PRDM9: variants seen among roughly 807,000 people sequenced by gnomAD.
PRDM9 encodes the protein PR/SET domain 9, also known as histone-lysine N-methyltransferase PRDM9.
In PRDM9, 47 loss-of-function variants were observed where a neutral mutation model predicts 55.6. The observed-to-expected ratio is 0.85, with a 90% CI of 0.67 to 1.08. The LOEUF (loss-of-function observed/expected upper bound fraction) is 1.08, where lower values mean the gene tolerates loss of function less well. Ranked by LOEUF, PRDM9 falls within the 50% of genes least tolerant of loss-of-function variation. The probability of loss-of-function intolerance (pLI) is 0.00; values close to 1 mark genes in which losing one functional copy is unlikely to be tolerated. For missense variants in PRDM9, 867 were observed against 1,040.3 expected (o/e 0.83, Z 2.29); for synonymous variants, 312 against 375.7 (o/e 0.83, Z 1.96).
chr5:23,514,260 T>C (rs1739156527), intron 4 of PRDM9, among the ~76,000 whole-genome samples: 1 of 152,188 alleles, frequency 6.6e-6, no homozygotes. Context: ...AACAGAAATT[T>C]ATTTTCTGAC....
At chr5:23,513,909 C>T (rs1305214616) in intron 4 of PRDM9, among the ~76,000 whole-genome samples, 2 of 151,822 alleles carry the variant, frequency 1.3e-5, no homozygotes, top group Admixed American at 6.6e-5. Context: ...AAAACCCACA[C>T]ACACACATAA....
intron 10 of PRDM9, among the ~76,000 whole-genome samples, chr5:23,525,138 G>T (rs1180341265): frequency 6.6e-6 from 1 of 152,202 alleles, no homozygotes; most frequent in African/African-American, 2.4e-5. Context: ...TGTTGCAGCG[G>T]ATTGTCAGGG....
intron 6 of PRDM9, 123 bp from the exon 7 acceptor site, chr5:23,522,181 G>T (rs2126426632): frequency 1.2e-6 from 1 of 855,926 alleles, no homozygotes; most frequent in East Asian, 2.4e-5. Flanking sequence ...TAGTTAAAGA[G>T]GGGGACACTA....
Position 23,524,432 on chromosome 5 carries a change from G to A in PRDM9, c.1049G>A (p.Gly350Asp), listed in dbSNP as rs201401823. ...FYRTCRVIRPGCELLVWYGDE... is the reference protein window; with the variant it reads ...FYRTCRVIRPDCELLVWYGDE... ...AGAACCTGCCGAGTCATTAGGCCAG[G>A]CTGTGAACTGCTGGTCTGGTATGGG... Residue 350 changes from glycine to aspartate, a missense_variant, in exon 10 of 11, where the codon GGC (glycine) becomes GAC (aspartate). Around this residue, in one of 5 missense-constraint regions of PRDM9, gnomAD observed 662 missense variants for 711.9 expected, o/e 0.93. Coordinates refer to ENST00000296682, the MANE Select transcript of PRDM9 (RefSeq NM_020227.4). 62 of 1,613,898 alleles carry A rather than the reference G, an allele frequency of 3.8e-5. No individual in the cohort carries two copies. In the African/African-American group the frequency reaches 7.6e-4, roughly 20 times the overall value.
chr5:23,517,173 G>T (rs375878837), intron 4 of PRDM9, among the ~76,000 whole-genome samples: 6 of 146,538 alleles, frequency 4.1e-5, no homozygotes, highest in Admixed American at 3.4e-4. Context: ...AAAAAAAAAG[G>T]TTGGGGGGGC....
chr5:23,509,944 TC>T lies in PRDM9; in HGVS notation c.219del (p.Phe73LeufsTer36), dbSNP rs762323976. 54 of 1,614,104 alleles carry T rather than the reference TC, an allele frequency of 3.3e-5. 1 individual carries two copies. The African/African-American group carries it at 6.3e-4, about 19-fold the overall frequency. ...GGTCTCAGAGCCACTCGACCAGCTT[TC>T]ATGTGTCACCGAAGGCAGGCCATCA... ...TIGLRATRPA[F>X]MCHRRQAIKL... On this transcript the variant is annotated frameshift_variant, in exon 4 of 11. Coordinates refer to ENST00000296682, the MANE Select transcript of PRDM9 (RefSeq NM_020227.4). LOFTEE classifies it high-confidence loss of function.
chr5:23,517,792 T>TA lies in PRDM9; in HGVS notation c.302-83dup, dbSNP rs1186956502. On this transcript the variant is annotated intron_variant, in intron 4 of 10. Coordinates refer to ENST00000296682, the MANE Select transcript of PRDM9 (RefSeq NM_020227.4). Reference sequence around the variant, plus strand: ...ACAGAGGGAGACTCCGTCTCAAAAATAAAAAATAAAAATAAAAAATAGAAG... The same window carrying TA: ...ACAGAGGGAGACTCCGTCTCAAAAATAAAAAAATAAAAATAAAAAATAGAAG... The TA allele has an allele frequency of 3.8e-6, 5 of 1,331,280 alleles. No individual in the cohort carries two copies. In the East Asian group the frequency reaches 6.9e-5, roughly 18 times the overall value. 82.5% of individuals were successfully genotyped at this position (1,331,280 alleles called of 1,614,324 possible). A position where few individuals can be genotyped will look rare whatever the true frequency, so the allele number is the denominator to read the frequency against.
chr5:23,525,136 C>A (rs2115262), intron 10 of PRDM9, among the ~76,000 whole-genome samples: 1 of 152,238 alleles, frequency 6.6e-6, no homozygotes, highest in South Asian at 2.1e-4. Context: ...AGTGTTGCAG[C>A]GGATTGTCAG....
chr5:23,510,648 T>TGAC (rs1224939237), intron 4 of PRDM9, among the ~76,000 whole-genome samples: 1 of 149,760 alleles, frequency 6.7e-6, no homozygotes, highest in Non-Finnish European at 1.5e-5. Flanking sequence ...ATGATGATGA[T>TGAC]GATGATGATG....
In PRDM9 at chr5:23,526,946, C is replaced by T. The variant is rs770162385; in HGVS notation, c.1858C>T (p.Gln620Ter). ...CRECGRGFSR[Q>*]SVLLTHQRRH... ...GGAGTGTGGGCGGGGCTTTAGCCGG[C>T]AGTCAGTCCTCCTCACTCACCAGAG... is the stretch of plus-strand genomic sequence containing the variant. The change falls in exon 11 of 11, where the codon CAG becomes TAG. Residue 620 changes from glutamine to a stop codon, truncating the protein, a stop_gained. Coordinates refer to ENST00000296682, the MANE Select transcript of PRDM9 (RefSeq NM_020227.4). LOFTEE classifies it low-confidence loss of function (END_TRUNC). 2.2e-6 allele frequency: 3 copies of T among 1,335,930 alleles called. No homozygotes were observed. Among genetic ancestry groups the T allele is most frequent in the Non-Finnish European group, 3.1e-6 (3 of 968,690 alleles). 82.8% of individuals were successfully genotyped at this position (1,335,930 alleles called of 1,614,324 possible).
chr5:23,522,320 G>A lies in PRDM9; in HGVS notation c.525G>A (p.Glu175=), dbSNP rs1174103420. 1.9e-6 allele frequency: 3 copies of A among 1,613,862 alleles called. No individual in the cohort carries two copies. The highest frequency in any genetic ancestry group is 4.5e-5 in the East Asian group (2 of 44,868). The change falls in exon 7 of 11, where the codon GAG becomes GAA. Residue 175 remains glutamate (E), a synonymous_variant. Transcript: ENST00000296682. Reference sequence around the variant, plus strand: ...CCAACCTAGAACTCAGGAAGAAGGAGACTGAAAGAAAGATGTATAGCCTGC... The same window carrying A: ...CCAACCTAGAACTCAGGAAGAAGGAAACTGAAAGAAAGATGTATAGCCTGC... ...SRLKLELRKK[E]TERKMYSLRE...
chr5:23,510,406 C>T (rs1282087387), intron 4 of PRDM9, among the ~76,000 whole-genome samples: 8 of 151,806 alleles, frequency 5.3e-5, no homozygotes, highest in Middle Eastern at 3.4e-3. Context: ...CCTCTGTCAT[C>T]CAGGCTGGAT....
chr5:23,525,579 C>T (rs1481859732), intron 10 of PRDM9, among the ~76,000 whole-genome samples: 15 of 152,168 alleles, frequency 9.9e-5, no homozygotes, highest in Admixed American at 9.8e-4. Context: ...ACCTGGACCA[C>T]TCTGTGTTGG....
At chr5:23,509,632 A>G in intron 3 of PRDM9, 39 bp downstream of exon 3, 1 of 1,614,018 alleles carries the variant, frequency 6.2e-7, no homozygotes, top group East Asian at 2.2e-5. Flanking sequence ...CCTGGGAGAC[A>G]TAAAACAGGT....
Position 23,527,878 on chromosome 5 carries a change from A to C in PRDM9, c.*105A>C. 7.2e-7 allele frequency: 1 copy of C among 1,392,950 alleles called. No homozygotes were observed. Among genetic ancestry groups the C allele is most frequent in the African/African-American group, 1.4e-5 (1 of 70,096 alleles). The allele number at this position is 1,392,950 out of a possible 1,614,324, so 86.3% of individuals were successfully genotyped here. ...AGGTGGCTTCAGCGGAAGTCTGCTGACCCCTTATATTCCCCGAGAGTATAA... is the reference window on the plus strand; with the variant it reads ...AGGTGGCTTCAGCGGAAGTCTGCTGCCCCCTTATATTCCCCGAGAGTATAA... On this transcript the variant is annotated 3_prime_UTR_variant, in exon 11 of 11. Transcript: ENST00000296682.
chr5:23,514,280 G>T (rs1360034441), intron 4 of PRDM9, among the ~76,000 whole-genome samples: 2 of 152,168 alleles, frequency 1.3e-5, no homozygotes, highest in Non-Finnish European at 2.9e-5. Flanking sequence ...CATTTCTGAA[G>T]CCTGGAAGTA....
Position 23,522,863 on chromosome 5 carries a change from C to T in PRDM9, c.860C>T (p.Ala287Val). 1.2e-6 allele frequency: 2 copies of T among 1,614,262 alleles called. No individual in the cohort carries two copies. Among genetic ancestry groups the T allele is most frequent in the East Asian group, 2.2e-5 (1 of 44,880 alleles). ...CGAATTACAGAAGACGAAGAGGCAGCCAACAATGGATACTCCTGGCTGGTA... is the reference window on the plus strand; with the variant it reads ...CGAATTACAGAAGACGAAGAGGCAGTCAACAATGGATACTCCTGGCTGGTA... Reference protein sequence around the residue: ...EGRITEDEEAANNGYSWLITK... With the variant: ...EGRITEDEEAVNNGYSWLITK... Residue 287 changes from alanine (A) to valine (V), a missense_variant, in exon 8 of 11, where the codon GCC becomes GTC. This residue lies in a region of PRDM9 where 662 missense variants were observed against 711.9 expected (regional missense o/e 0.93). Coordinates refer to ENST00000296682, the MANE Select transcript of PRDM9 (RefSeq NM_020227.4).
chr5:23,513,259 T>A (rs1314035449), intron 4 of PRDM9, among the ~76,000 whole-genome samples: 3 of 152,232 alleles, frequency 2.0e-5, no homozygotes, highest in Admixed American at 2.0e-4. Flanking sequence ...ATGGTTTGAA[T>A]GTGTGGAAGT....
chr5:23,517,493 C>T (rs1272261748), intron 4 of PRDM9, among the ~76,000 whole-genome samples: 2 of 151,954 alleles, frequency 1.3e-5, no homozygotes, highest in East Asian at 1.9e-4. Flanking sequence ...TAATGAGAAA[C>T]TCCAGAGTTA....
Sources: gnomAD v4.1 joint callset for allele counts (sites outside exome capture counted in the v4.1 genomes callset) on GRCh38, gnomAD v4.1.1 for gene constraint, gnomAD v4.1.1 regional missense constraint, MANE v1.5 for transcripts, NCBI Gene and HGNC (gene_info 2026-07-23, HGNC 2026-07-21) for gene names.